GRIK2: variants seen among roughly 807,000 people sequenced by gnomAD.
GRIK2 encodes glutamate receptor ionotropic, kainate 2.
A neutral mutation model predicts 100.3 loss-of-function variants in GRIK2; 32 were observed. The observed-to-expected ratio is 0.32, with a 90% CI of 0.24 to 0.43. The LOEUF (loss-of-function observed/expected upper bound fraction) is 0.43, where lower values mean the gene tolerates loss of function less well. Ranked by LOEUF, GRIK2 falls within the 20% of genes least tolerant of loss-of-function variation. GRIK2 has a pLI of 1.00. For missense variants in GRIK2, 843 were observed against 1,114.9 expected (o/e 0.76, Z 3.47); for synonymous variants, 417 against 389.4 (o/e 1.07, Z -0.83).
chr6:101,949,319 A>C (rs565841560), intron 14 of GRIK2, among the ~76,000 whole-genome samples: 1 of 152,022 alleles, frequency 6.6e-6, no homozygotes, highest in African/African-American at 2.4e-5. Context: ...AAATTCTTTT[A>C]ATTTACACAC....
intron 7 of GRIK2, among the ~76,000 whole-genome samples, chr6:101,755,161 G>GTTTTTTTTTTTTTTT (rs1157640683): frequency 1.3e-4 from 13 of 102,964 alleles, no homozygotes; most frequent in South Asian, 3.8e-4. Flanking sequence ...TTTCTTTTTG[G>GTTTTTTTTTTTTTTT]TTTTTTTTTT....
chr6:101,882,796 A>AT lies in GRIK2; in HGVS notation c.1525-6837dup, dbSNP rs1377601314. On this transcript the variant is annotated intron_variant, in intron 11 of 16. Transcript: ENST00000369134. ...GAAATATACAATTTAAACAAGTTTA[A>AT]TTTTTTTATATTTTAAACTTACGTA... Among the ~76,000 whole-genome samples, 8 of 152,196 alleles carry AT rather than the reference A, an allele frequency of 5.3e-5. No homozygotes were observed. In the South Asian group the frequency reaches 1.2e-3, roughly 24 times the overall value.
At position 101,987,780 on chromosome 6, in the gene GRIK2, A is replaced by T. The variant is rs184544239; in HGVS notation, c.2086-47561A>T. On this transcript the variant is annotated intron_variant, in intron 14 of 16. Transcript: ENST00000369134. ...GTAACATTTGTAATATGTGTAGGTA[A>T]TCAACATAAATACAATTTCTATAAC... Among the ~76,000 whole-genome samples, 94 of 151,610 alleles carry T rather than the reference A, an allele frequency of 6.2e-4. 1 individual carries two copies. The highest frequency in any genetic ancestry group is 2.1e-3 in the African/African-American group (89 of 41,492).
chr6:101,729,156 T>C (rs1775080082), intron 7 of GRIK2, among the ~76,000 whole-genome samples: 1 of 152,032 alleles, frequency 6.6e-6, no homozygotes, highest in African/African-American at 2.4e-5. Context: ...TTTCCTTGGA[T>C]TGCAGATGTC....
At chr6:101,929,143 G>A (rs950884895) in intron 14 of GRIK2, among the ~76,000 whole-genome samples, 5 of 151,844 alleles carry the variant, frequency 3.3e-5, no homozygotes, top group African/African-American at 1.2e-4. Flanking sequence ...AGTTGAAAGG[G>A]GCTGTCCCAT....
At chr6:101,551,121 G>T (rs2128292476) in intron 2 of GRIK2, among the ~76,000 whole-genome samples, 2 of 152,266 alleles carry the variant, frequency 1.3e-5, no homozygotes, top group East Asian at 3.9e-4. Context: ...TATCCTCAGA[G>T]ATGCATGTTT....
At chr6:101,691,353 G>C (rs1030556279) in intron 7 of GRIK2, among the ~76,000 whole-genome samples, 5 of 150,192 alleles carry the variant, frequency 3.3e-5, no homozygotes, top group Admixed American at 2.7e-4. Flanking sequence ...AGGCTGGAGT[G>C]CAATGACAGT....
chr6:101,426,655 A>C lies in GRIK2; in HGVS notation c.115+27263A>C, dbSNP rs1288345638. Among the ~76,000 whole-genome samples, 4 of 152,280 alleles carry C rather than the reference A, an allele frequency of 2.6e-5. No homozygotes were observed. In the East Asian group the frequency reaches 7.7e-4, roughly 29 times the overall value. ...TACAGAGGATCTACTGTCTACAGGC[A>C]CTCAAATGGTGTAGCCCCTGTCATA... On this transcript the variant is annotated intron_variant, in intron 2 of 16. Coordinates refer to ENST00000369134, the MANE Select transcript of GRIK2 (RefSeq NM_021956.5).
At chr6:101,585,836 A>G (rs6912168) in intron 2 of GRIK2, among the ~76,000 whole-genome samples, 46,490 of 151,996 alleles carry the variant, frequency 0.31, 7,242 homozygotes, top group African/African-American at 0.36. Context: ...TAAAATACAA[A>G]ACAGGAATAA....
intron 2 of GRIK2, among the ~76,000 whole-genome samples, chr6:101,534,574 T>C (rs1384484660): frequency 6.6e-6 from 1 of 151,826 alleles, no homozygotes; most frequent in African/African-American, 2.4e-5. Flanking sequence ...CACAGATTGA[T>C]GACTATATGT....
intron 7 of GRIK2, among the ~76,000 whole-genome samples, chr6:101,702,035 A>G (rs1009889131): frequency 2.8e-5 from 3 of 105,732 alleles, no homozygotes; most frequent in African/African-American, 1.1e-4. Flanking sequence ...ATGTTTCTGT[A>G]TTTTGACTCC....
At chr6:101,796,484 T>C (rs1780312100) in intron 7 of GRIK2, among the ~76,000 whole-genome samples, 1 of 152,070 alleles carries the variant, frequency 6.6e-6, no homozygotes, top group South Asian at 2.1e-4. Flanking sequence ...AAGAAGACAA[T>C]AGTTTAATCT....
At chr6:101,413,892 T>C (rs1253665602) in intron 2 of GRIK2, among the ~76,000 whole-genome samples, 1 of 152,002 alleles carries the variant, frequency 6.6e-6, no homozygotes, top group Non-Finnish European at 1.5e-5. Context: ...TTCAAGTCTT[T>C]ATTTATACAA....
intron 14 of GRIK2, among the ~76,000 whole-genome samples, chr6:101,942,270 A>G (rs1044731569): frequency 6.6e-6 from 1 of 152,266 alleles, no homozygotes; most frequent in East Asian, 1.9e-4. Context: ...CTAATCGTTT[A>G]GCATCATCTC....
intron 14 of GRIK2, among the ~76,000 whole-genome samples, chr6:101,974,396 C>A (rs943375124): frequency 2.0e-5 from 3 of 151,884 alleles, no homozygotes; most frequent in African/African-American, 7.2e-5. Flanking sequence ...TACTATTAGG[C>A]ATATGTTGAA....
In GRIK2 at chr6:101,419,225, A is replaced by C. The variant is rs146561522; in HGVS notation, c.115+19833A>C. Among the ~76,000 whole-genome samples, 33 of 152,294 alleles carry C rather than the reference A, an allele frequency of 2.2e-4. No homozygotes were observed. The East Asian group carries it at 5.0e-3, about 23-fold the overall frequency. On this transcript the variant is annotated intron_variant, in intron 2 of 16. Coordinates refer to ENST00000369134, the MANE Select transcript of GRIK2 (RefSeq NM_021956.5). The stretch of plus-strand genomic sequence containing the variant: ...TATTCTCCCCATGGATGTAGGACCT[A>C]TTCCTCACACCTTTCACCTTTCCAG...
chr6:101,603,557 A>G (rs1431042399), intron 2 of GRIK2, among the ~76,000 whole-genome samples: 2 of 151,734 alleles, frequency 1.3e-5, no homozygotes, highest in Middle Eastern at 3.2e-3. Flanking sequence ...GCAAAGTCTG[A>G]ATATAATTTT....
chr6:102,005,056 C>A (rs1291157891), intron 14 of GRIK2, among the ~76,000 whole-genome samples: 1 of 151,568 alleles, frequency 6.6e-6, no homozygotes, highest in African/African-American at 2.4e-5. Context: ...CTTCTTTTTA[C>A]ATATTTTGTT....
intron 2 of GRIK2, among the ~76,000 whole-genome samples, chr6:101,493,727 CT>C (rs1265486974): frequency 6.6e-6 from 1 of 151,486 alleles, no homozygotes; most frequent in Non-Finnish European, 1.5e-5. Context: ...AGTTTGCAGT[CT>C]TTGCCTCTAT....
Sources: allele counts gnomAD v4.1 joint callset (sites outside exome capture counted in the v4.1 genomes callset), GRCh38; gene constraint gnomAD v4.1.1; transcripts MANE v1.5; gene names NCBI Gene and HGNC (gene_info 2026-07-23, HGNC 2026-07-21).